The following MPP7 variants were observed in gnomAD, a reference collection of about 807,000 sequenced individuals.
MPP7 encodes MAGUK p55 scaffold protein 7.
Under a neutral mutation model 76.5 loss-of-function variants are expected in MPP7, and 60 were observed. The observed-to-expected ratio is 0.78, with a 90% CI of 0.64 to 0.97. The LOEUF (loss-of-function observed/expected upper bound fraction) is 0.97, where lower values mean the gene tolerates loss of function less well. MPP7 is among the 50% of genes least tolerant of loss of function. MPP7 has a pLI of 0.00. For missense variants in MPP7, 641 were observed against 694.0 expected (o/e 0.92, Z 0.86); for synonymous variants, 237 against 244.5 (o/e 0.97, Z 0.29).
At chr10:28,215,182 T>A (rs1443986292) in intron 2 of MPP7, among the ~76,000 whole-genome samples, 1 of 152,114 alleles carries the variant, frequency 6.6e-6, no homozygotes, top group Non-Finnish European at 1.5e-5. Flanking sequence ...TCCCCAGTGC[T>A]CAGGAGATTG....
chr10:28,124,959 A>G, intron 7 of MPP7, 51 bp downstream of exon 7: 1 of 1,456,016 alleles, frequency 6.9e-7, no homozygotes, highest in Non-Finnish European at 9.7e-7. Context: ...TGGAAATGCT[A>G]CACACGAAAC....
chr10:28,054,226 T>C lies in MPP7; in HGVS notation c.1570A>G (p.Met524Val). The change falls in exon 17 of 17, where the codon ATG becomes GTG. Residue 524 changes from methionine (M) to valine (V), a missense_variant. Physicochemically the swap from Met to Val is conservative, Grantham distance 21 (BLOSUM62 1). Coordinates refer to ENST00000683449, the MANE Select transcript of MPP7 (RefSeq NM_001318170.2). ...TCCATTATCTGTGCAGATTTAATCA[T>C]TTCTTGAAAATCTTCTTCCTACAAA... Reference protein sequence around the residue: ...KPFTEEDFQEMIKSAQIMESQ... With the variant: ...KPFTEEDFQEVIKSAQIMESQ... The C allele has an allele frequency of 6.4e-7, 1 of 1,568,824 alleles. No individual in the cohort carries two copies. The highest frequency in any genetic ancestry group is 8.7e-7 in the Non-Finnish European group (1 of 1,154,494).
At chr10:28,187,736 C>G (rs896358499) in intron 3 of MPP7, among the ~76,000 whole-genome samples, 1 of 152,040 alleles carries the variant, frequency 6.6e-6, no homozygotes, top group Non-Finnish European at 1.5e-5. Flanking sequence ...TCCTTTTGCC[C>G]GCAAGTATGA....
At chr10:28,074,384 G>A (rs1352716606) in intron 12 of MPP7, among the ~76,000 whole-genome samples, 7 of 151,672 alleles carry the variant, frequency 4.6e-5, no homozygotes, top group South Asian at 2.1e-4. Context: ...TGCAACCTCC[G>A]CTTCCTGGGT....
intron 5 of MPP7, among the ~76,000 whole-genome samples, chr10:28,144,140 C>T (rs1835626881): frequency 1.3e-5 from 2 of 152,092 alleles, no homozygotes; most frequent in Admixed American, 6.6e-5. Flanking sequence ...CAGCCCACCT[C>T]GGCCTCCCAA....
chr10:28,143,372 C>G (rs1461564926), intron 5 of MPP7, among the ~76,000 whole-genome samples: 1 of 152,084 alleles, frequency 6.6e-6, no homozygotes, highest in Non-Finnish European at 1.5e-5. Flanking sequence ...TACGTATTAT[C>G]AAAAAAGAAT....
At chr10:28,116,436 A>G (rs574760422) in intron 11 of MPP7, among the ~76,000 whole-genome samples, 41 of 152,316 alleles carry the variant, frequency 2.7e-4, no homozygotes, top group Admixed American at 1.5e-3. Flanking sequence ...TATCTGAGAC[A>G]TAAGATTCAC....
intron 1 of MPP7, among the ~76,000 whole-genome samples, chr10:28,259,090 T>A (rs577899913): frequency 6.6e-6 from 1 of 152,288 alleles, no homozygotes; most frequent in African/African-American, 2.4e-5. Flanking sequence ...GGTTTTTTTT[T>A]AACTCTAAAA....
intron 3 of MPP7, among the ~76,000 whole-genome samples, chr10:28,158,575 G>A (rs111887755): frequency 1.6e-4 from 24 of 152,232 alleles, no homozygotes; most frequent in African/African-American, 5.3e-4. Flanking sequence ...TTTTCCTTTC[G>A]TGTTTCTCTA....
rs575222759 is a variant in MPP7, at chr10:28,108,235, G to T, written c.952+11416C>A. Among the ~76,000 whole-genome samples, 4 of 152,262 alleles carry T rather than the reference G, an allele frequency of 2.6e-5. No homozygotes were observed. In the East Asian group the frequency reaches 7.7e-4, roughly 29 times the overall value. Reference sequence around the variant, plus strand: ...TAAATACAATACCACTAACCTCACAGTATTAGAGAAAATACACAGTAAATA... The same window carrying T: ...TAAATACAATACCACTAACCTCACATTATTAGAGAAAATACACAGTAAATA... On this transcript the variant is annotated intron_variant, in intron 11 of 16. Transcript: ENST00000683449.
intron 6 of MPP7, among the ~76,000 whole-genome samples, chr10:28,128,699 G>T (rs1342496335): frequency 6.6e-6 from 1 of 152,096 alleles, no homozygotes; most frequent in Non-Finnish European, 1.5e-5. Context: ...ACAGATTTGG[G>T]GACAAAGATC....
intron 3 of MPP7, among the ~76,000 whole-genome samples, chr10:28,193,824 T>C (rs959528335): frequency 6.6e-6 from 1 of 151,676 alleles, no homozygotes; most frequent in African/African-American, 2.4e-5. Flanking sequence ...ACCTACCATG[T>C]GCAAATTGAC....
intron 13 of MPP7, among the ~76,000 whole-genome samples, chr10:28,067,610 T>C (rs370476013): frequency 3.5e-4 from 53 of 152,332 alleles, no homozygotes; most frequent in African/African-American, 1.2e-3. Flanking sequence ...TTCTGTAATA[T>C]TGTCAACTTC....
At chr10:28,299,704 T>C (rs978233707) in intron 1 of MPP7, among the ~76,000 whole-genome samples, 3 of 151,828 alleles carry the variant, frequency 2.0e-5, no homozygotes, top group Non-Finnish European at 4.4e-5. Flanking sequence ...TCCTTCACTT[T>C]AAATTCAAAA....
Position 28,053,822 on chromosome 10 carries a change from CA to C in MPP7, c.*242del. ...CTTGGAGATAGAGCGGTATTGAAGA[CA>C]ACGAGAAGGTTTGAGGTTTTGCTTA... On this transcript the variant is annotated 3_prime_UTR_variant, in exon 17 of 17. Transcript: ENST00000683449. 2.1e-6 allele frequency: 1 copy of C among 479,000 alleles called. No homozygotes were observed. Among genetic ancestry groups the C allele is most frequent in the Non-Finnish European group, 3.6e-6 (1 of 274,246 alleles). The allele number at this position is 479,000 out of a possible 1,614,324, so 29.7% of individuals were successfully genotyped here.
At chr10:28,153,929 G>A (rs910071223) in intron 3 of MPP7, among the ~76,000 whole-genome samples, 1 of 152,098 alleles carries the variant, frequency 6.6e-6, no homozygotes, top group Non-Finnish European at 1.5e-5. Context: ...AATGGTACCA[G>A]ATCTAGAATT....
intron 2 of MPP7, among the ~76,000 whole-genome samples, chr10:28,219,432 C>T (rs1838422671): frequency 6.6e-6 from 1 of 152,096 alleles, no homozygotes; most frequent in African/African-American, 2.4e-5. Context: ...CTCAACATTC[C>T]TGACATCAGA....
chr10:28,281,708 A>T (rs1840678384), intron 1 of MPP7, among the ~76,000 whole-genome samples: 1 of 152,062 alleles, frequency 6.6e-6, no homozygotes, highest in Non-Finnish European at 1.5e-5. Flanking sequence ...TTTAATTCTC[A>T]CTACCAACTT....
At chr10:28,214,915 C>A (rs1838259274) in intron 2 of MPP7, among the ~76,000 whole-genome samples, 1 of 152,088 alleles carries the variant, frequency 6.6e-6, no homozygotes, top group South Asian at 2.1e-4. Flanking sequence ...CACGTGGCTC[C>A]TGGGGGTAAC....
Sources: allele counts gnomAD v4.1 joint callset (sites outside exome capture counted in the v4.1 genomes callset), GRCh38; gene constraint gnomAD v4.1.1; transcripts MANE v1.5; gene names NCBI Gene and HGNC (gene_info 2026-07-23, HGNC 2026-07-21).